The following LEKR1 variants were observed in gnomAD, a reference collection of about 807,000 sequenced individuals.
LEKR1 encodes the protein protein LEKR1.
A neutral mutation model predicts 72.4 loss-of-function variants in LEKR1; 59 were observed. The observed-to-expected ratio is 0.82, with a 90% CI of 0.66 to 1.01. The LOEUF is 1.01. LEKR1 is among the 50% of genes least tolerant of loss of function. The pLI, the probability that LEKR1 is intolerant of heterozygous loss-of-function variation, is 0.00. For synonymous variants in LEKR1, 257 were observed against 263.2 expected (o/e 0.98, Z 0.23); for missense variants, 728 against 759.2 (o/e 0.96, Z 0.48).
intron 12 of LEKR1, among the ~76,000 whole-genome samples, chr3:157,039,269 A>C (rs1296593382): frequency 6.6e-6 from 1 of 152,214 alleles, no homozygotes; most frequent in African/African-American, 2.4e-5. Flanking sequence ...TGTTTTGAAA[A>C]TATGTTTCCA....
chr3:156,897,911 C>T (rs1421599119), intron 3 of LEKR1, among the ~76,000 whole-genome samples: 1 of 151,418 alleles, frequency 6.6e-6, no homozygotes, highest in Non-Finnish European at 1.5e-5. Context: ...TGACATTGTG[C>T]CACTGCACTC....
rs576893596 is a variant in LEKR1, at chr3:157,006,172, A to G, written c.1110-5241A>G. 1.7e-3 allele frequency among the ~76,000 whole-genome samples: 253 copies of G among 148,112 alleles called. 4 individuals carry two copies. Among genetic ancestry groups the G allele is most frequent in the African/African-American group, 6.1e-3 (244 of 40,004 alleles). On this transcript the variant is annotated intron_variant, in intron 9 of 12. Transcript: ENST00000356539. Reference sequence around the variant, plus strand: ...AGGCGCCCGCCACCGCGCCCGGCTAATTTTTTGTATTTTTAGTAGAGACGG... The same window carrying G: ...AGGCGCCCGCCACCGCGCCCGGCTAGTTTTTTGTATTTTTAGTAGAGACGG...
intron 10 of LEKR1, among the ~76,000 whole-genome samples, chr3:157,018,939 T>C: frequency 6.6e-6 from 1 of 152,212 alleles, no homozygotes; most frequent in East Asian, 1.9e-4. Flanking sequence ...GCAGCCTACA[T>C]ATTCTGATTC....
intron 4 of LEKR1, chr3:156,924,806 A>G (rs1481785838): frequency 1.0e-5 from 3 of 295,048 alleles, no homozygotes; most frequent in East Asian, 5.7e-5. Flanking sequence ...CCATTAATCT[A>G]TATGTCTTAT....
chr3:156,924,324 CTTA>C (rs745583335), intron 4 of LEKR1, among the ~76,000 whole-genome samples: 36 of 152,106 alleles, frequency 2.4e-4, no homozygotes, highest in Middle Eastern at 3.4e-3. Context: ...GGTTTATTTT[CTTA>C]TTATGTGATT....
chr3:156,959,398 T>C (rs1727917476), intron 6 of LEKR1, among the ~76,000 whole-genome samples: 1 of 152,228 alleles, frequency 6.6e-6, no homozygotes, highest in Non-Finnish European at 1.5e-5. Context: ...GCATTGTTTA[T>C]ATACTCTTTC....
intron 6 of LEKR1, among the ~76,000 whole-genome samples, chr3:156,953,921 C>G (rs1002336648): frequency 6.6e-6 from 1 of 151,864 alleles, no homozygotes; most frequent in African/African-American, 2.4e-5. Context: ...ATTTTGGCCT[C>G]TAGATCTTTG....
chr3:156,866,428 G>C, intron 3 of LEKR1, among the ~76,000 whole-genome samples: 1 of 151,964 alleles, frequency 6.6e-6, no homozygotes, highest in Non-Finnish European at 1.5e-5. Flanking sequence ...TTCTTGCAAT[G>C]GTGAGATTAC....
intron 3 of LEKR1, among the ~76,000 whole-genome samples, chr3:156,886,150 G>T (rs1262192917): frequency 6.6e-6 from 1 of 152,042 alleles, no homozygotes; most frequent in African/African-American, 2.4e-5. Context: ...GTGGGGGAGG[G>T]GGGTTCTCAG....
At chr3:156,941,630 G>A (rs1394365724) in intron 5 of LEKR1, among the ~76,000 whole-genome samples, 1 of 152,016 alleles carries the variant, frequency 6.6e-6, no homozygotes, top group African/African-American at 2.4e-5. Context: ...AACCAAAGAA[G>A]GGAATTCCAA....
chr3:156,846,638 A>G (rs867014359), intron 2 of LEKR1, among the ~76,000 whole-genome samples: 5 of 152,154 alleles, frequency 3.3e-5, no homozygotes, highest in Admixed American at 1.3e-4. Context: ...TATTTACTAA[A>G]CACTCATTGT....
At chr3:157,000,240 T>G (rs1290440619) in intron 9 of LEKR1, among the ~76,000 whole-genome samples, 2 of 152,188 alleles carry the variant, frequency 1.3e-5, no homozygotes, top group Admixed American at 1.3e-4. Flanking sequence ...TATCTTCAGA[T>G]GGAAAATAGA....
At chr3:156,855,406 G>C (rs1206510658) in intron 3 of LEKR1, among the ~76,000 whole-genome samples, 1 of 151,962 alleles carries the variant, frequency 6.6e-6, no homozygotes, top group Admixed American at 6.6e-5. Context: ...CTGAACATTT[G>C]TTTGTGTATT....
intron 7 of LEKR1, among the ~76,000 whole-genome samples, chr3:156,990,545 A>G (rs1290083813): frequency 2.0e-5 from 3 of 152,182 alleles, no homozygotes; most frequent in Non-Finnish European, 2.9e-5. Context: ...TTAAAATTCC[A>G]GATCATCCTC....
intron 3 of LEKR1, among the ~76,000 whole-genome samples, chr3:156,871,394 C>G (rs1273988644): frequency 6.6e-6 from 1 of 152,060 alleles, no homozygotes; most frequent in Non-Finnish European, 1.5e-5. Flanking sequence ...CTTTGCTATT[C>G]TGAATAATGC....
At chr3:156,948,728 C>A (rs558377660) in intron 6 of LEKR1, among the ~76,000 whole-genome samples, 2 of 151,518 alleles carry the variant, frequency 1.3e-5, no homozygotes, top group East Asian at 1.9e-4. Flanking sequence ...GCTTTTAGCT[C>A]CTTGAGGAAT....
At chr3:157,034,181 G>A (rs754378670) in intron 12 of LEKR1, among the ~76,000 whole-genome samples, 62 of 152,224 alleles carry the variant, frequency 4.1e-4, no homozygotes, top group African/African-American at 1.4e-3. Flanking sequence ...ATTCTGCAGC[G>A]CATGAATCAA....
chr3:156,869,285 A>G (rs757609241), intron 3 of LEKR1, among the ~76,000 whole-genome samples: 2 of 152,076 alleles, frequency 1.3e-5, no homozygotes, highest in Admixed American at 6.6e-5. Context: ...ACTGTTTTCT[A>G]TAGTGGCTGT....
intron 9 of LEKR1, among the ~76,000 whole-genome samples, chr3:157,009,954 T>C (rs1373883714): frequency 6.6e-6 from 1 of 152,094 alleles, no homozygotes; most frequent in African/African-American, 2.4e-5. Context: ...GTCCATTTCA[T>C]CAGAGTTGTC....
Sources: allele counts gnomAD v4.1 joint callset (sites outside exome capture counted in the v4.1 genomes callset), GRCh38; gene constraint gnomAD v4.1.1; transcripts MANE v1.5; gene names NCBI Gene and HGNC (gene_info 2026-07-23, HGNC 2026-07-21).